C1QTNF9B: variants seen among roughly 807,000 people sequenced by gnomAD.
The protein encoded by C1QTNF9B is C1q and TNF related 9B.
In C1QTNF9B, 9 loss-of-function variants were observed where a neutral mutation model predicts 10.1. The ratio of observed to expected loss-of-function variants is 0.89; its 90% confidence interval spans 0.53 to 1.55. C1QTNF9B has a LOEUF of 1.55. C1QTNF9B is among the 40% of genes most tolerant of loss of function. The pLI, the probability that C1QTNF9B is intolerant of heterozygous loss-of-function variation, is 0.00. For missense variants in C1QTNF9B, 196 were observed against 414.4 expected (o/e 0.47, Z 4.58); for synonymous variants, 79 against 159.9 (o/e 0.49, Z 3.82).
intron 2 of C1QTNF9B, 117 bp from the exon 5 acceptor site, chr13:23,892,178 A>G: frequency 7.0e-7 from 1 of 1,421,894 alleles, no homozygotes; most frequent in Non-Finnish European, 9.5e-7. Context: ...GGTTCAGTAT[A>G]TGCCCAGAGT....
rs754765143 is a variant in C1QTNF9B at position 23,891,266 on chromosome 13, G to A, written c.*23C>T. 2.7e-6 allele frequency: 4 copies of A among 1,477,982 alleles called. No individual in the cohort carries two copies. The Admixed American group carries it at 8.6e-5, about 32-fold the overall frequency. The allele number at this position is 1,477,982 out of a possible 1,614,324, so 91.6% of individuals were successfully genotyped here. On this transcript the variant is annotated 3_prime_UTR_variant, in exon 3 of 3. Transcript: ENST00000382137. ...CAAGCTGATTCTGATGGATGGTCTG[G>A]CAGATTTATAAACTCTCCTCTGTCA...
At chr13:23,894,916 A>T (rs566015729) in intron 1 of C1QTNF9B, among the ~76,000 whole-genome samples, 1 of 152,078 alleles carries the variant, frequency 6.6e-6, no homozygotes, top group Non-Finnish European at 1.5e-5. Context: ...CTCACCCCAG[A>T]CTCTGGCTTC....
rs369434681 is a variant in C1QTNF9B, at chr13:23,891,446, C to T, written c.845G>A (p.Ser282Asn). 75 of 1,582,082 alleles carry T rather than the reference C, an allele frequency of 4.7e-5. 2 individuals carry two copies. In the East Asian group the frequency reaches 1.2e-3, roughly 26 times the overall value. ...GCTGCCAGAGGCCTGGTCCTCAGAG[C>T]TCACGTAAGCATCTCTGGTGTGCAG... is the stretch of plus-strand genomic sequence containing the variant. The change falls in exon 3 of 3, where the codon AGC becomes AAC. Residue 282 changes from serine (S) to asparagine (N), a missense_variant. Ser to Asn is a conservative substitution (Grantham distance 46). This residue lies in a region of C1QTNF9B where 72 missense variants were observed against 87.1 expected (regional missense o/e 0.83). Coordinates refer to ENST00000382137, the Ensembl canonical transcript of C1QTNF9B.
At chr13:23,891,721 T>A in exon 3 of C1QTNF9B, 1 of 1,614,054 alleles carries the variant, frequency 6.2e-7, no homozygotes, top group South Asian at 1.1e-5. Context: ...CGATTTTCCC[T>A]TTCTCTCCTC....
intron 2 of C1QTNF9B, among the ~76,000 whole-genome samples, chr13:23,892,300 C>T (rs1403206309): frequency 6.6e-6 from 1 of 151,838 alleles, no homozygotes; most frequent in Non-Finnish European, 1.5e-5. Flanking sequence ...ACCATCCCGG[C>T]CAACATAGCA....
chr13:23,894,110 T>C (rs1872113915), intron 2 of C1QTNF9B, 29 bp downstream of exon 4: 2 of 1,435,308 alleles, frequency 1.4e-6, no homozygotes, highest in East Asian at 4.6e-5. Flanking sequence ...CAGCTCAGAA[T>C]TAGAGCACCA....
exon 3 of C1QTNF9B, chr13:23,891,413 A>C (rs757155576): frequency 6.3e-7 from 1 of 1,582,008 alleles, no homozygotes; most frequent in South Asian, 1.1e-5. Flanking sequence ...CTTCAGCTGC[A>C]GGACAATGCT....
At chr13:23,896,640 G>A (rs1341669740) in intron 1 of C1QTNF9B, among the ~76,000 whole-genome samples, 181 bp downstream of exon 3, 2 of 152,282 alleles carry the variant, frequency 1.3e-5, no homozygotes, top group Middle Eastern at 6.8e-3. Flanking sequence ...AGCAGACCCC[G>A]TGAGTGTTGC....
intron 2 of C1QTNF9B, among the ~76,000 whole-genome samples, chr13:23,892,830 T>C (rs1872063700): frequency 6.6e-6 from 1 of 152,056 alleles, no homozygotes. Context: ...ATAATGTCAA[T>C]CCATGACAAA....
At chr13:23,895,819 G>T (rs987501391) in intron 1 of C1QTNF9B, among the ~76,000 whole-genome samples, 36 of 151,932 alleles carry the variant, frequency 2.4e-4, no homozygotes, top group African/African-American at 8.2e-4. Flanking sequence ...CAGAAGACCT[G>T]ATTTCATTAA....
chr13:23,893,866 G>C lies in C1QTNF9B; in HGVS notation c.229+273C>G, dbSNP rs531325554. Among the ~76,000 whole-genome samples, 3 of 152,230 alleles carry C rather than the reference G, an allele frequency of 2.0e-5. No individual in the cohort carries two copies. In the East Asian group the frequency reaches 5.8e-4, roughly 29 times the overall value. Reference sequence around the variant, plus strand: ...AGTCTTCACACATATGGTGTCACTGGAACAGAGCCATGCTTATTTATGGAG... The same window carrying C: ...AGTCTTCACACATATGGTGTCACTGCAACAGAGCCATGCTTATTTATGGAG... On this transcript the variant is annotated intron_variant, in intron 2 of 2. Coordinates refer to ENST00000382137, the Ensembl canonical transcript of C1QTNF9B.
rs750236453 is a variant in C1QTNF9B at position 23,891,500 on chromosome 13, A to T, written c.791T>A (p.Val264Glu). The T allele has an allele frequency of 3.7e-5, 59 of 1,605,834 alleles. No individual in the cohort carries two copies. The highest frequency in any genetic ancestry group is 1.5e-4 in the Admixed American group (9 of 59,638). The change falls in exon 3 of 3, where the codon GTG becomes GAG. Residue 264 changes from valine to glutamate, a missense_variant. Physicochemically the swap from Val to Glu is moderately radical, Grantham distance 121. Around this residue, in one of 5 missense-constraint regions of C1QTNF9B, gnomAD observed 72 missense variants for 87.1 expected, o/e 0.83. Coordinates refer to ENST00000382137, the Ensembl canonical transcript of C1QTNF9B. Reference sequence around the variant, plus strand: ...TTTTACTCCGTTTTTGACCAAAGACACCTGAACATTCCTGGAGAAAACAGT... The same window carrying T: ...TTTTACTCCGTTTTTGACCAAAGACTCCTGAACATTCCTGGAGAAAACAGT...
In C1QTNF9B at chr13:23,895,756, TACAC is replaced by T. The variant is rs71185099; in HGVS notation, c.166+1061_166+1064del. Among the ~76,000 whole-genome samples the T allele has an allele frequency of 3.9e-3, 573 of 146,648 alleles. 1 individual carries two copies. Among genetic ancestry groups the T allele is most frequent in the Middle Eastern group, 7.1e-3 (2 of 282 alleles). On this transcript the variant is annotated intron_variant, in intron 1 of 2. Coordinates refer to ENST00000382137, the Ensembl canonical transcript of C1QTNF9B. ...AATAAAATACACACAGACACAGACA[TACAC>T]ACACACACACACACACACACACACA...
At chr13:23,893,755 G>C (rs1211267377) in intron 2 of C1QTNF9B, among the ~76,000 whole-genome samples, 20 of 152,162 alleles carry the variant, frequency 1.3e-4, no homozygotes, top group Admixed American at 8.5e-4. Context: ...CAGGTGTGAG[G>C]CATGGTGCTC....
At chr13:23,894,446 C>T (rs1303844463) in intron 1 of C1QTNF9B, 3 of 645,836 alleles carry the variant, frequency 4.6e-6, no homozygotes, top group Admixed American at 2.1e-5. Context: ...ATCTCTAGGA[C>T]GTGCCTAGAG....
exon 3 of C1QTNF9B, chr13:23,891,829 C>T (rs1158118137): frequency 6.2e-7 from 1 of 1,612,922 alleles, no homozygotes; most frequent in East Asian, 2.2e-5. Flanking sequence ...CAATAGGGCC[C>T]ATGGGGCCCG....
At chr13:23,895,146 C>T (rs1463710991) in intron 1 of C1QTNF9B, among the ~76,000 whole-genome samples, 2 of 152,016 alleles carry the variant, frequency 1.3e-5, no homozygotes, top group Non-Finnish European at 2.9e-5. Flanking sequence ...ATTTGCCCCT[C>T]CCTGCGCTCC....
upstream of C1QTNF9B, chr13:23,897,236 C>CA: frequency 2.0e-6 from 1 of 497,240 alleles, no homozygotes; most frequent in Non-Finnish European, 3.5e-6. Context: ...GCTGAACGGG[C>CA]AATAAAAAAA....
At chr13:23,894,589 CTG>C (rs1872134453) in intron 1 of C1QTNF9B, 1 of 492,880 alleles carries the variant, frequency 2.0e-6, no homozygotes, top group African/African-American at 1.9e-5. Flanking sequence ...TTTCCTCACT[CTG>C]TTTCTCTTCC....
Sources: gnomAD v4.1 joint callset for allele counts (sites outside exome capture counted in the v4.1 genomes callset) on GRCh38, gnomAD v4.1.1 for gene constraint, gnomAD v4.1.1 regional missense constraint, MANE v1.5 for transcripts, NCBI Gene and HGNC (gene_info 2026-07-23, HGNC 2026-07-21) for gene names.